THADA: variants seen among roughly 807,000 people sequenced by gnomAD.
THADA encodes the protein THADA armadillo repeat containing.
A neutral mutation model predicts 219.8 loss-of-function variants in THADA; 213 were observed. The observed-to-expected ratio is 0.97, with a 90% CI of 0.87 to 1.09. THADA has a LOEUF of 1.09. Among genes scored for constraint, THADA ranks in the 50% least tolerant of loss-of-function variants. The probability of loss-of-function intolerance (pLI) is 0.00; values close to 1 mark genes in which losing one functional copy is unlikely to be tolerated. For synonymous variants in THADA, 1,018 were observed against 828.9 expected (o/e 1.23, Z -3.92); for missense variants, 2,956 against 2,311.3 (o/e 1.28, Z -5.72).
intron 25 of THADA, among the ~76,000 whole-genome samples, chr2:43,486,130 A>G (rs1428687751): frequency 1.3e-5 from 2 of 152,162 alleles, no homozygotes; most frequent in Non-Finnish European, 2.9e-5. Context: ...CAAAGAATCC[A>G]GGTAATTAAT....
intron 36 of THADA, among the ~76,000 whole-genome samples, chr2:43,274,030 G>T (rs888747211): frequency 4.6e-5 from 7 of 151,676 alleles, no homozygotes; most frequent in African/African-American, 1.5e-4. Context: ...TCTACATCTC[G>T]CTCCTACTTC....
chr2:43,515,536 A>G lies in THADA; in HGVS notation c.3375-6756T>C, dbSNP rs550985787. 6.1e-5 allele frequency among the ~76,000 whole-genome samples: 9 copies of G among 148,348 alleles called. No homozygotes were observed. In the Admixed American group the frequency reaches 6.3e-4, roughly 10 times the overall value. On this transcript the variant is annotated intron_variant, in intron 22 of 37. Coordinates refer to ENST00000405975, the MANE Select transcript of THADA (RefSeq NM_022065.5). Reference sequence around the variant, plus strand: ...AAAAAACCATAAAGTATGTGTGTGTATATACATAACGATAGTTCCATACCT... The same window carrying G: ...AAAAAACCATAAAGTATGTGTGTGTGTATACATAACGATAGTTCCATACCT...
intron 26 of THADA, among the ~76,000 whole-genome samples, chr2:43,447,575 G>A (rs1423901342): frequency 1.3e-5 from 2 of 152,152 alleles, no homozygotes; most frequent in East Asian, 3.8e-4. Flanking sequence ...AAACACAAGA[G>A]TTAAGGCACT....
At chr2:43,566,171 G>T (rs1456471024) in intron 15 of THADA, 2 of 352,852 alleles carry the variant, frequency 5.7e-6, no homozygotes, top group Non-Finnish European at 1.0e-5. Context: ...ACTGAAATTT[G>T]ACCCTCTTGA....
intron 26 of THADA, among the ~76,000 whole-genome samples, chr2:43,478,220 T>C (rs925122950): frequency 1.3e-5 from 2 of 152,220 alleles, no homozygotes; most frequent in African/African-American, 4.8e-5. Context: ...AAAAGTTCAA[T>C]GTATAACAAC....
At chr2:43,255,836 TG>T (rs1670252710) in intron 36 of THADA, among the ~76,000 whole-genome samples, 1 of 152,176 alleles carries the variant, frequency 6.6e-6, no homozygotes, top group Admixed American at 6.5e-5. Flanking sequence ...GGTGAGGCTT[TG>T]TTATTTCATT....
At position 43,253,076 on chromosome 2, in the gene THADA, C is replaced by T; in HGVS notation, c.5297-20194G>A. On this transcript the variant is annotated intron_variant, in intron 36 of 37. Transcript: ENST00000405975. The stretch of plus-strand genomic sequence containing the variant: ...CATAAGCTCAAACTTCCGTCCCCCT[C>T]AAAGTCAAAGCTTCTCTAATGACTC... Among the ~76,000 whole-genome samples the T allele has an allele frequency of 1.3e-5, 2 of 152,220 alleles. 1 individual carries two copies. Among genetic ancestry groups the T allele is most frequent in the East Asian group, 3.8e-4 (2 of 5,198 alleles).
intron 24 of THADA, 68 bp downstream of exon 24, chr2:43,505,554 T>C (rs1689560056): frequency 1.6e-6 from 2 of 1,232,338 alleles, no homozygotes; most frequent in Admixed American, 2.2e-5. Flanking sequence ...AACAGCCGTC[T>C]TGAAAAAAGT....
chr2:43,581,559 G>GA (rs1559019122), intron 8 of THADA, among the ~76,000 whole-genome samples, 182 bp downstream of exon 8: 4 of 117,220 alleles, frequency 3.4e-5, no homozygotes, highest in Admixed American at 8.4e-5. Context: ...AAAAAAAAAA[G>GA]AAAAGAAAAA....
At chr2:43,545,659 G>A (rs1470733450) in intron 20 of THADA, among the ~76,000 whole-genome samples, 26 of 152,230 alleles carry the variant, frequency 1.7e-4, no homozygotes, top group African/African-American at 5.5e-4. Flanking sequence ...GTTTATTTGC[G>A]TAGAAGTGTT....
rs1458152046 is a variant in THADA at position 43,535,701 on chromosome 2, G to GA, written c.3264+5457dup. ...AAAAAAAAAAAAAAAAAAAAAAAAA[G>GA]AAAAAATCTTTTCCCAGATCAATGT... On this transcript the variant is annotated intron_variant, in intron 21 of 37. Coordinates refer to ENST00000405975, the MANE Select transcript of THADA (RefSeq NM_022065.5). 9.9e-4 allele frequency among the ~76,000 whole-genome samples: 112 copies of GA among 113,364 alleles called. 1 individual carries two copies. Among genetic ancestry groups the GA allele is most frequent in the South Asian group, 2.6e-3 (9 of 3,428 alleles). The allele number at this position is 113,364 out of a possible 152,430, so 74.4% of individuals were successfully genotyped here.
At chr2:43,386,569 T>C (rs867786792) in intron 29 of THADA, among the ~76,000 whole-genome samples, 1 of 152,184 alleles carries the variant, frequency 6.6e-6, no homozygotes, top group Non-Finnish European at 1.5e-5. Context: ...GAGGCATGTA[T>C]AATATTTAAG....
chr2:43,350,835 G>C (rs1449040267), intron 29 of THADA, among the ~76,000 whole-genome samples: 1 of 152,174 alleles, frequency 6.6e-6, no homozygotes, highest in African/African-American at 2.4e-5. Context: ...GGATGGTCTT[G>C]CTAAGTCCCC....
chr2:43,339,874 G>C (rs994671857), intron 30 of THADA, among the ~76,000 whole-genome samples: 2 of 152,062 alleles, frequency 1.3e-5, no homozygotes, highest in African/African-American at 4.8e-5. Context: ...TGGGAGGACT[G>C]CTTGAGCCCA....
At chr2:43,452,927 C>T (rs929697776) in intron 26 of THADA, among the ~76,000 whole-genome samples, 2 of 152,096 alleles carry the variant, frequency 1.3e-5, no homozygotes, top group Non-Finnish European at 2.9e-5. Flanking sequence ...CCACCCACCC[C>T]CAAAAAAACA....
intron 36 of THADA, among the ~76,000 whole-genome samples, chr2:43,252,368 G>A (rs1015678191): frequency 1.3e-5 from 2 of 152,114 alleles, no homozygotes; most frequent in African/African-American, 4.8e-5. Flanking sequence ...GTATCATTGC[G>A]AACGTTTAGT....
At chr2:43,576,673 A>G (rs12477928) in intron 10 of THADA, among the ~76,000 whole-genome samples, 55,271 of 152,018 alleles carry the variant, frequency 0.36, 10,629 homozygotes, top group African/African-American at 0.49. Flanking sequence ...TTATTTTTTT[A>G]AGACAGGATC....
intron 28 of THADA, among the ~76,000 whole-genome samples, chr2:43,425,682 A>C (rs1023548121): frequency 1.3e-5 from 2 of 152,230 alleles, no homozygotes; most frequent in East Asian, 3.8e-4. Context: ...ACACTGTTCT[A>C]TAACACACAT....
At chr2:43,446,280 T>C (rs1681534017) in intron 26 of THADA, among the ~76,000 whole-genome samples, 1 of 152,248 alleles carries the variant, frequency 6.6e-6, no homozygotes, top group African/African-American at 2.4e-5. Flanking sequence ...TCCTTATATG[T>C]AAGTGCCTCC....
Sources: allele counts gnomAD v4.1 joint callset (sites outside exome capture counted in the v4.1 genomes callset), GRCh38; gene constraint gnomAD v4.1.1; transcripts MANE v1.5; gene names NCBI Gene and HGNC (gene_info 2026-07-23, HGNC 2026-07-21).